Variants in PLEKHA1 observed in about 807,000 individuals in gnomAD.
The protein encoded by PLEKHA1 is pleckstrin homology domain containing A1.
A neutral mutation model predicts 52.0 loss-of-function variants in PLEKHA1; 34 were observed. The ratio of observed to expected loss-of-function variants is 0.65; its 90% confidence interval spans 0.50 to 0.87. The LOEUF (loss-of-function observed/expected upper bound fraction) is 0.87, where lower values mean the gene tolerates loss of function less well. PLEKHA1 is among the 40% of genes least tolerant of loss of function. The pLI is 0.00. For missense variants in PLEKHA1, 497 were observed against 504.2 expected, an observed-to-expected ratio of 0.99 and a Z score of 0.14; for synonymous variants, 163 against 170.7, an observed-to-expected ratio of 0.95 and a Z score of 0.35.
intron 4 of PLEKHA1, among the ~76,000 whole-genome samples, chr10:122,404,686 A>C (rs1194496251): frequency 1.3e-5 from 2 of 152,256 alleles, no homozygotes; most frequent in Non-Finnish European, 2.9e-5. Context: ...TAACTTTTCC[A>C]GTCTCTAGAA....
the PLEKHA1 span, chr10:122,439,261 G>A: frequency 6.6e-6 from 1 of 152,028 alleles, no homozygotes; most frequent in East Asian, 1.9e-4. Context: ...AAATCTGCTA[G>A]ATTTTGTTTG....
chr10:122,417,871 A>G (rs754662579), intron 7 of PLEKHA1, 29 bp from the exon 8 acceptor site: 7 of 1,547,346 alleles, frequency 4.5e-6, no homozygotes, highest in Middle Eastern at 1.7e-4. Context: ...TAGAAACACA[A>G]GTCTTATGTC....
chr10:122,429,503 T>C (rs2097393972), intron 11 of PLEKHA1, 121 bp from the exon 12 acceptor site: 3 of 741,516 alleles, frequency 4.0e-6, no homozygotes, highest in Non-Finnish European at 6.3e-6. Context: ...TTTGTGTGTG[T>C]GTGTGTGTGT....
intron 1 of PLEKHA1, among the ~76,000 whole-genome samples, chr10:122,381,924 G>T (rs146655841): frequency 4.6e-5 from 7 of 152,122 alleles, no homozygotes; most frequent in African/African-American, 1.7e-4. Flanking sequence ...TTCAAGGCTG[G>T]AGATAACAGT....
chr10:122,430,874 T>G lies in PLEKHA1; in HGVS notation c.*936T>G, dbSNP rs1162554057. ...GTTTAGGAATGTTTTGAGATTAATG[T>G]GCTTAAAAGTCCTACGTGACTGATT... On this transcript the variant is annotated 3_prime_UTR_variant, in exon 12 of 12. Transcript: ENST00000368990. 1 of 152,628 alleles carries G rather than the reference T, an allele frequency of 6.6e-6. No individual in the cohort carries two copies. Among genetic ancestry groups the G allele is most frequent in the Non-Finnish European group, 1.5e-5 (1 of 68,036 alleles). 9.5% of individuals were successfully genotyped at this position (152,628 alleles called of 1,614,324 possible).
chr10:122,395,838 G>A (rs1475137096), intron 2 of PLEKHA1, among the ~76,000 whole-genome samples: 1 of 152,108 alleles, frequency 6.6e-6, no homozygotes, highest in African/African-American at 2.4e-5. Context: ...TGGTAATCAT[G>A]GAGAATGAAA....
intron 1 of PLEKHA1, among the ~76,000 whole-genome samples, chr10:122,381,027 T>A (rs1490963312): frequency 6.6e-6 from 1 of 152,218 alleles, no homozygotes; most frequent in East Asian, 1.9e-4. Flanking sequence ...AAAATTGTTA[T>A]AAGGATTAAA....
chr10:122,410,374 A>AGT (rs1412227283), intron 5 of PLEKHA1, among the ~76,000 whole-genome samples: 1 of 152,202 alleles, frequency 6.6e-6, no homozygotes, highest in Non-Finnish European at 1.5e-5. Context: ...AAAGAAACCA[A>AGT]GTGGATTCAG....
intron 11 of PLEKHA1, chr10:122,428,186 A>C (rs1251296010): frequency 2.4e-6 from 3 of 1,250,408 alleles, no homozygotes; most frequent in Non-Finnish European, 3.1e-6. Context: ...AGATTGGACT[A>C]TCTAGCTATG....
rs1335494512 is a variant in PLEKHA1, at chr10:122,394,230, A to AAGCC, written c.141+889_141+890insAGCC. Among the ~76,000 whole-genome samples the AAGCC allele has an allele frequency of 2.3e-4, 35 of 151,710 alleles. 1 individual carries two copies. The East Asian group carries it at 6.8e-3, about 29-fold the overall frequency. The stretch of plus-strand genomic sequence containing the variant: ...GCTGGGACTACAGGGGTGTGCCACC[A>AAGCC]CACCTGGCTAATTTTTTGTATTTTT... On this transcript the variant is annotated intron_variant, in intron 2 of 11. Coordinates refer to ENST00000368990, the MANE Select transcript of PLEKHA1 (RefSeq NM_001001974.4).
In PLEKHA1 at chr10:122,427,041, C is replaced by A; in HGVS notation, c.900+10C>A. The A allele has an allele frequency of 6.2e-7, 1 of 1,609,394 alleles. No homozygotes were observed. Among genetic ancestry groups the A allele is most frequent in the Non-Finnish European group, 8.5e-7 (1 of 1,175,806 alleles). ...CAGATCTGCGTCTTCTGTAGGTTTC[C>A]TGCTCTCTGGGGTGATACTCCCTTG... On this transcript the variant is annotated intron_variant, in intron 11 of 11. Coordinates refer to ENST00000368990, the MANE Select transcript of PLEKHA1 (RefSeq NM_001001974.4).
intron 1 of PLEKHA1, among the ~76,000 whole-genome samples, chr10:122,390,113 G>A (rs2133934690): frequency 6.6e-6 from 1 of 152,286 alleles, no homozygotes; most frequent in South Asian, 2.1e-4. Context: ...TTATAGAGAT[G>A]GCTTCTTTCT....
chr10:122,441,798 ACT>A, the PLEKHA1 span: 4 of 152,124 alleles, frequency 2.6e-5, no homozygotes, highest in Non-Finnish European at 5.9e-5. Context: ...CACCAACTAA[ACT>A]CTGAGCTTTC....
rs1349996224 is a variant in PLEKHA1 at position 122,432,306 on chromosome 10, T to G, written c.*2368T>G. On this transcript the variant is annotated 3_prime_UTR_variant, in exon 12 of 12. Coordinates refer to ENST00000368990, the MANE Select transcript of PLEKHA1 (RefSeq NM_001001974.4). ...AGTGTGTTATCTTTATATGTCAAAC[T>G]GGTTGAACACTGTAATGAGAATAAA... is the stretch of plus-strand genomic sequence containing the variant. The G allele has an allele frequency of 6.6e-6, 1 of 152,230 alleles. No homozygotes were observed. The highest frequency in any genetic ancestry group is 1.5e-5 in the Non-Finnish European group (1 of 68,044). The allele number at this position is 152,230 out of a possible 1,614,324, so 9.4% of individuals were successfully genotyped here. A position where few individuals can be genotyped will look rare whatever the true frequency, so the allele number is the denominator to read the frequency against.
At chr10:122,439,261 G>C in the PLEKHA1 span, 1 of 152,028 alleles carries the variant, frequency 6.6e-6, no homozygotes, top group African/African-American at 2.4e-5. Flanking sequence ...AAATCTGCTA[G>C]ATTTTGTTTG....
At chr10:122,385,059 C>T (rs893132326) in intron 1 of PLEKHA1, among the ~76,000 whole-genome samples, 5 of 152,010 alleles carry the variant, frequency 3.3e-5, no homozygotes, top group Admixed American at 2.0e-4. Flanking sequence ...TGAGTTTTGA[C>T]CATGTCTGCA....
chr10:122,402,322 G>T (rs1019938963), intron 4 of PLEKHA1, among the ~76,000 whole-genome samples: 1 of 152,158 alleles, frequency 6.6e-6, no homozygotes, highest in Non-Finnish European at 1.5e-5. Context: ...TTCATGAAAT[G>T]CTTACCTTCA....
intron 7 of PLEKHA1, among the ~76,000 whole-genome samples, chr10:122,417,645 C>CAAAAAAA (rs373627172): frequency 1.1e-5 from 1 of 94,264 alleles, no homozygotes; most frequent in Non-Finnish European, 2.2e-5. Flanking sequence ...GACTCTGTCT[C>CAAAAAAA]AAAAAAAAAA....
chr10:122,412,696 A>G (rs933364071), intron 5 of PLEKHA1: 21 of 504,510 alleles, frequency 4.2e-5, no homozygotes, highest in Non-Finnish European at 6.3e-5. Context: ...TGTGTGAACT[A>G]GTACCTGCCC....
Sources: allele counts gnomAD v4.1 joint callset (sites outside exome capture counted in the v4.1 genomes callset), GRCh38; gene constraint gnomAD v4.1.1; transcripts MANE v1.5; gene names NCBI Gene and HGNC (gene_info 2026-07-23, HGNC 2026-07-21).